RGS6: variants seen among roughly 807,000 people sequenced by gnomAD.
RGS6 encodes regulator of G protein signaling 6.
RGS6 carries 30 observed loss-of-function variants against 78.5 expected under a neutral mutation model. The observed-to-expected ratio is 0.38, with a 90% CI of 0.29 to 0.52. The LOEUF is 0.52. Among genes scored for constraint, RGS6 ranks in the 20% least tolerant of loss-of-function variants. The pLI is 0.85. For synonymous variants in RGS6, 206 were observed against 206.0 expected, an observed-to-expected ratio of 1.00 and a Z score of 0.00; for missense variants, 495 against 609.7, an observed-to-expected ratio of 0.81 and a Z score of 1.98.
At chr14:72,560,540 G>A (rs980502782) in intron 17 of RGS6, among the ~76,000 whole-genome samples, 5 of 152,050 alleles carry the variant, frequency 3.3e-5, no homozygotes, top group Non-Finnish European at 7.3e-5. Flanking sequence ...CGCTGGGTGT[G>A]TGCCACAGAA....
At chr14:72,154,199 G>T (rs1186750753) in intron 2 of RGS6, among the ~76,000 whole-genome samples, 5 of 152,180 alleles carry the variant, frequency 3.3e-5, no homozygotes, top group Admixed American at 2.6e-4. Context: ...CCCGCAGGCA[G>T]TCAGACCTTA....
intron 1 of RGS6, among the ~76,000 whole-genome samples, chr14:71,946,659 C>T (rs991819902): frequency 6.6e-6 from 1 of 152,084 alleles, no homozygotes; most frequent in Admixed American, 6.6e-5. Context: ...ATGAATTGGA[C>T]TTTGGAGGAC....
At chr14:72,186,976 A>G (rs1314857929) in intron 2 of RGS6, among the ~76,000 whole-genome samples, 1 of 152,226 alleles carries the variant, frequency 6.6e-6, no homozygotes, top group Non-Finnish European at 1.5e-5. Flanking sequence ...TGAAAGGGTC[A>G]GTTTCTCCCT....
At chr14:72,202,568 G>T (rs1267723899) in intron 2 of RGS6, among the ~76,000 whole-genome samples, 1 of 152,130 alleles carries the variant, frequency 6.6e-6, no homozygotes, top group Non-Finnish European at 1.5e-5. Flanking sequence ...TCGCTCTCCT[G>T]ATTCTGTAGC....
the RGS6 span, among the ~76,000 whole-genome samples, chr14:71,914,698 A>G: frequency 6.6e-6 from 1 of 151,968 alleles, no homozygotes; most frequent in Non-Finnish European, 1.5e-5. Context: ...CCGACCCCCA[A>G]TGTACAAGTA....
the RGS6 span, among the ~76,000 whole-genome samples, chr14:71,879,488 T>C: frequency 1.3e-5 from 2 of 152,156 alleles, no homozygotes; most frequent in Non-Finnish European, 2.9e-5. Context: ...TCATCTTGAA[T>C]TGTAGCTCCC....
At chr14:71,955,126 A>G (rs552083057) in intron 1 of RGS6, among the ~76,000 whole-genome samples, 1 of 152,060 alleles carries the variant, frequency 6.6e-6, no homozygotes, top group Admixed American at 6.6e-5. Context: ...AATCCCCCCA[A>G]GGGTCCTTGT....
chr14:71,978,151 A>G (rs201288806), intron 2 of RGS6, among the ~76,000 whole-genome samples: 2,990 of 125,164 alleles, frequency 0.024, 21 homozygotes, highest in East Asian at 0.044. Flanking sequence ...ATCAGCTTAA[A>G]GAGATTTTGG....
chr14:72,276,923 C>A (rs2060771736), intron 2 of RGS6, among the ~76,000 whole-genome samples: 1 of 151,828 alleles, frequency 6.6e-6, no homozygotes, highest in South Asian at 2.1e-4. Flanking sequence ...TATCCAACTT[C>A]TACTATTTTT....
At chr14:72,067,281 G>T (rs1341874501) in intron 2 of RGS6, among the ~76,000 whole-genome samples, 1 of 152,090 alleles carries the variant, frequency 6.6e-6, no homozygotes, top group Admixed American at 6.6e-5. Flanking sequence ...TGGATGCAGG[G>T]AGGGGAACAT....
chr14:72,199,693 A>T (rs560104270), intron 2 of RGS6, among the ~76,000 whole-genome samples: 1 of 152,270 alleles, frequency 6.6e-6, no homozygotes, highest in East Asian at 1.9e-4. Flanking sequence ...TTCTAAGATA[A>T]TTCTGACTAT....
chr14:72,050,271 T>A (rs930700277), intron 2 of RGS6, among the ~76,000 whole-genome samples: 4 of 152,240 alleles, frequency 2.6e-5, no homozygotes, highest in Non-Finnish European at 4.4e-5. Context: ...AGTTTCACCA[T>A]CTGGAACTGC....
intron 2 of RGS6, among the ~76,000 whole-genome samples, chr14:72,242,096 C>T (rs531468027): frequency 6.6e-5 from 10 of 152,286 alleles, no homozygotes; most frequent in African/African-American, 1.4e-4. Flanking sequence ...CATTAACTGA[C>T]AGTAGCCATA....
the RGS6 span, among the ~76,000 whole-genome samples, chr14:71,877,140 A>G: frequency 1.3e-5 from 2 of 152,134 alleles, no homozygotes; most frequent in South Asian, 2.1e-4. Context: ...GATGAATCTG[A>G]CAATTATGTG....
At chr14:72,367,491 G>A (rs1596332130) in intron 3 of RGS6, among the ~76,000 whole-genome samples, 2 of 151,908 alleles carry the variant, frequency 1.3e-5, no homozygotes, top group East Asian at 3.9e-4. Flanking sequence ...TTGCTTCACT[G>A]CATTAGTCCC....
At chr14:71,925,485 A>G in the RGS6 span, among the ~76,000 whole-genome samples, 10,007 of 152,186 alleles carry the variant, frequency 0.066, 404 homozygotes, top group Non-Finnish European at 0.091. Flanking sequence ...GCTCAGGCCA[A>G]TGTCAAGGAG....
At chr14:72,469,837 G>A (rs1235821328) in intron 7 of RGS6, 170 bp from the exon 8 acceptor site, 15 of 607,578 alleles carry the variant, frequency 2.5e-5, no homozygotes, top group Middle Eastern at 4.2e-4. Flanking sequence ...AGCTCTGTAC[G>A]GAGGGTCTGG....
the RGS6 span, among the ~76,000 whole-genome samples, chr14:71,899,257 G>A: frequency 6.6e-6 from 1 of 152,194 alleles, no homozygotes; most frequent in African/African-American, 2.4e-5. Flanking sequence ...GAACTAGCTT[G>A]TATTTGCCGC....
At chr14:71,977,721 G>T (rs1009017362) in intron 2 of RGS6, among the ~76,000 whole-genome samples, 94 of 151,526 alleles carry the variant, frequency 6.2e-4, no homozygotes, top group Middle Eastern at 3.4e-3. Flanking sequence ...CGTTCTTTTG[G>T]CTTAGGATTG....
Sources: gnomAD v4.1 joint callset for allele counts (sites outside exome capture counted in the v4.1 genomes callset) on GRCh38, gnomAD v4.1.1 for gene constraint, MANE v1.5 for transcripts, NCBI Gene and HGNC (gene_info 2026-07-23, HGNC 2026-07-21) for gene names.